The following GLT1D1 variants were observed in gnomAD, a reference collection of about 807,000 sequenced individuals.
The protein encoded by GLT1D1 is glycosyltransferase 1 domain containing 1.
GLT1D1 carries 21 observed loss-of-function variants against 28.7 expected under a neutral mutation model. The observed-to-expected ratio is 0.73, with a 90% CI of 0.52 to 1.05. GLT1D1 has a LOEUF of 1.05. Among genes scored for constraint, GLT1D1 ranks in the 50% least tolerant of loss-of-function variants. The pLI, the probability that GLT1D1 is intolerant of heterozygous loss-of-function variation, is 0.00. For synonymous variants in GLT1D1, 147 were observed against 124.8 expected (o/e 1.18, Z -1.19); for missense variants, 343 against 330.6 (o/e 1.04, Z -0.29).
rs1256710628 is a variant in GLT1D1, at chr12:128,947,434, A to G, written c.516A>G (p.Glu172=). The G allele has an allele frequency of 3.7e-6, 6 of 1,614,166 alleles. No individual in the cohort carries two copies. The highest frequency in any genetic ancestry group is 1.3e-5 in the African/African-American group (1 of 75,040). ...CGGTGGTGAATAGCTCTGTCTCTGA[A>G]GGCATGTCAGCTGCAATTTTGGAGG... is the stretch of plus-strand genomic sequence containing the variant. The change falls in exon 6 of 8, where the codon GAA becomes GAG. Residue 172 remains glutamate, a synonymous_variant. Coordinates refer to ENST00000281703, the MANE Select transcript of GLT1D1 (RefSeq NM_144669.3).
chr12:128,881,026 C>T lies in GLT1D1; in HGVS notation c.217+4964C>T, dbSNP rs184678999. On this transcript the variant is annotated intron_variant, in intron 2 of 7. Coordinates refer to ENST00000281703, the MANE Select transcript of GLT1D1 (RefSeq NM_144669.3). Reference sequence around the variant, plus strand: ...GATCACGAGGTCAGGAGATCGAGACCATCTTGGCTAACACGGTGAAACCCC... The same window carrying T: ...GATCACGAGGTCAGGAGATCGAGACTATCTTGGCTAACACGGTGAAACCCC... 1.4e-3 allele frequency among the ~76,000 whole-genome samples: 211 copies of T among 148,626 alleles called. 1 individual carries two copies. Among genetic ancestry groups the T allele is most frequent in the South Asian group, 0.013 (59 of 4,696 alleles).
intron 7 of GLT1D1, 77 bp from the exon 12 acceptor site, chr12:128,982,852 G>C: frequency 7.3e-7 from 1 of 1,378,152 alleles, no homozygotes; most frequent in Non-Finnish European, 1.0e-6. Context: ...AGCCAATGCA[G>C]ACACAGGATC....
At chr12:128,977,694 T>C (rs1047985144) in intron 7 of GLT1D1, among the ~76,000 whole-genome samples, 5 of 152,010 alleles carry the variant, frequency 3.3e-5, no homozygotes, top group African/African-American at 1.2e-4. Context: ...TCTTGAGAGA[T>C]GGAATTTCTG....
chr12:128,862,213 C>T (rs1333157080), intron 1 of GLT1D1, among the ~76,000 whole-genome samples: 2 of 150,690 alleles, frequency 1.3e-5, no homozygotes, highest in Non-Finnish European at 2.9e-5. Context: ...CCTGTAATCT[C>T]AGCTACTCAG....
chr12:128,949,093 G>A (rs907848273), intron 6 of GLT1D1, among the ~76,000 whole-genome samples: 13 of 152,112 alleles, frequency 8.5e-5, no homozygotes, highest in Admixed American at 3.9e-4. Context: ...CATTTTATTC[G>A]TCATGTAGGC....
rs369041676 is a variant in GLT1D1, at chr12:128,957,538, C to T, written c.541-7C>T. Reference sequence around the variant, plus strand: ...CCTTCCACCCCCTTTTCTCCTGTCTCCTCCAGGCAATGGATTTAGAAGTAC... The same window carrying T: ...CCTTCCACCCCCTTTTCTCCTGTCTTCTCCAGGCAATGGATTTAGAAGTAC... On this transcript the variant is annotated splice_region_variant and splice_polypyrimidine_tract_variant and intron_variant, in intron 6 of 7. Transcript: ENST00000281703. 1.9e-6 allele frequency: 3 copies of T among 1,603,344 alleles called. No homozygotes were observed. Among genetic ancestry groups the T allele is most frequent in the African/African-American group, 1.3e-5 (1 of 74,808 alleles).
At position 128,901,593 on chromosome 12, in the gene GLT1D1, C is replaced by T. The variant is rs578117592; in HGVS notation, c.375+2306C>T. Among the ~76,000 whole-genome samples the T allele has an allele frequency of 3.3e-5, 5 of 151,930 alleles. No individual in the cohort carries two copies. In the South Asian group the frequency reaches 1.0e-3, roughly 32 times the overall value. On this transcript the variant is annotated intron_variant, in intron 4 of 7. Coordinates refer to ENST00000281703, the MANE Select transcript of GLT1D1 (RefSeq NM_144669.3). Reference sequence around the variant, plus strand: ...CTGGGACTACAGGCGCCCACCACAACGCCCTGCTAATTTTTGCATTTTTAG... The same window carrying T: ...CTGGGACTACAGGCGCCCACCACAATGCCCTGCTAATTTTTGCATTTTTAG...
At chr12:128,980,748 G>A (rs901235223) in intron 7 of GLT1D1, among the ~76,000 whole-genome samples, 79 of 152,208 alleles carry the variant, frequency 5.2e-4, no homozygotes, top group Non-Finnish European at 7.2e-4. Context: ...GAAGCTTTGT[G>A]TGGAAGGCAG....
chr12:128,915,839 A>T (rs557142905), intron 4 of GLT1D1, among the ~76,000 whole-genome samples: 1 of 152,384 alleles, frequency 6.6e-6, no homozygotes, highest in South Asian at 2.1e-4. Flanking sequence ...TCAGTAGAAT[A>T]GAGTGAACTC....
At position 128,949,858 on chromosome 12, in the gene GLT1D1, G is replaced by A. The variant is rs112896554; in HGVS notation, c.540+2400G>A. Among the ~76,000 whole-genome samples the A allele has an allele frequency of 1.4e-3, 212 of 151,648 alleles. 1 individual carries two copies. The highest frequency in any genetic ancestry group is 4.6e-3 in the African/African-American group (191 of 41,316). Reference sequence around the variant, plus strand: ...CACATGCACACGCACGTACACACACGTGTACGCACACACACACGCTCTGCC... The same window carrying A: ...CACATGCACACGCACGTACACACACATGTACGCACACACACACGCTCTGCC... On this transcript the variant is annotated intron_variant, in intron 6 of 7. Coordinates refer to ENST00000281703, the MANE Select transcript of GLT1D1 (RefSeq NM_144669.3).
intron 3 of GLT1D1, among the ~76,000 whole-genome samples, chr12:128,892,045 G>C (rs1341461963): frequency 1.3e-5 from 2 of 152,162 alleles, no homozygotes; most frequent in Admixed American, 1.3e-4. Context: ...AAAGCAGGGA[G>C]GGGTTTTCCA....
chr12:128,910,805 C>G (rs1020400612), intron 4 of GLT1D1, among the ~76,000 whole-genome samples: 2 of 151,928 alleles, frequency 1.3e-5, no homozygotes, highest in Non-Finnish European at 2.9e-5. Context: ...CCTGCTTGCA[C>G]GATGAAGTGG....
chr12:128,894,968 C>G lies in GLT1D1; in HGVS notation c.324-4268C>G, dbSNP rs1869462738. On this transcript the variant is annotated intron_variant, in intron 3 of 7. Coordinates refer to ENST00000281703, the MANE Select transcript of GLT1D1 (RefSeq NM_144669.3). ...GTTACTATTTTTGTTTATTCGGTTG[C>G]TCAAATTGCCCCAGATTTGCCCACA... Among the ~76,000 whole-genome samples, 6 of 151,830 alleles carry G rather than the reference C, an allele frequency of 4.0e-5. No individual in the cohort carries two copies. The South Asian group carries it at 1.2e-3, about 32-fold the overall frequency.
intron 4 of GLT1D1, among the ~76,000 whole-genome samples, chr12:128,936,049 T>C (rs2135469243): frequency 6.6e-6 from 1 of 152,196 alleles, no homozygotes; most frequent in Admixed American, 6.5e-5. Context: ...GAGCTAATAC[T>C]ACCTGCCTCA....
chr12:128,857,476 G>GA (rs902001485), intron 1 of GLT1D1, among the ~76,000 whole-genome samples: 18 of 151,752 alleles, frequency 1.2e-4, no homozygotes, highest in Non-Finnish European at 2.5e-4. Flanking sequence ...GGAAGAAAAA[G>GA]AAAAAAGCAG....
Position 128,983,093 on chromosome 12 carries a change from G to T in GLT1D1, c.*3G>T. 1 of 1,612,798 alleles carries T rather than the reference G, an allele frequency of 6.2e-7. No homozygotes were observed. Among genetic ancestry groups the T allele is most frequent in the South Asian group, 1.1e-5 (1 of 91,038 alleles). ...TGGAAGGAAGCACTGAAGATTGAGG[G>T]CCCCGCCTCATCAGACACCTGCTCT... On this transcript the variant is annotated 3_prime_UTR_variant, in exon 8 of 8. Coordinates refer to ENST00000281703, the MANE Select transcript of GLT1D1 (RefSeq NM_144669.3). The surrounding 1 kb of genome is among the most constrained non-coding windows in gnomAD (Gnocchi z 4.7).
At chr12:128,866,067 CTT>C (rs1208489895) in intron 1 of GLT1D1, among the ~76,000 whole-genome samples, 22 of 133,450 alleles carry the variant, frequency 1.6e-4, no homozygotes, top group Admixed American at 2.4e-4. Context: ...GTGATTGTAC[CTT>C]TTTTTTTTTT....
chr12:128,954,539 G>C (rs968816073), intron 6 of GLT1D1, among the ~76,000 whole-genome samples: 1 of 152,196 alleles, frequency 6.6e-6, no homozygotes, highest in South Asian at 2.1e-4. Context: ...CAAGACCTGG[G>C]ACAGGTCACT....
chr12:128,883,313 C>G (rs866511505), intron 2 of GLT1D1, among the ~76,000 whole-genome samples: 3 of 150,672 alleles, frequency 2.0e-5, no homozygotes, highest in African/African-American at 7.3e-5. Context: ...AGTTTAGGGC[C>G]GGGCGTAGTG....
Sources: allele counts gnomAD v4.1 joint callset (sites outside exome capture counted in the v4.1 genomes callset), GRCh38; gene constraint gnomAD v4.1.1; non-coding constraint Gnocchi (gnomAD v3.1); transcripts MANE v1.5; gene names NCBI Gene and HGNC (gene_info 2026-07-23, HGNC 2026-07-21).